Variants in OLFM3 observed in about 807,000 individuals in gnomAD.
The protein encoded by OLFM3 is noelin-3.
A neutral mutation model predicts 48.6 loss-of-function variants in OLFM3; 20 were observed. The ratio of observed to expected loss-of-function variants is 0.41; its 90% CI spans 0.29 to 0.60. The LOEUF is 0.60. Ranked by LOEUF, OLFM3 falls within the 20% of genes least tolerant of loss-of-function variation. The pLI is 0.28. For synonymous variants in OLFM3, 222 were observed against 198.1 expected (o/e 1.12, Z -1.01); for missense variants, 437 against 544.3 (o/e 0.80, Z 1.96).
intron 1 of OLFM3, among the ~76,000 whole-genome samples, chr1:101,879,079 T>G (rs1657413553): frequency 6.6e-6 from 1 of 151,890 alleles, no homozygotes; most frequent in South Asian, 2.1e-4. Flanking sequence ...AGCTTTGAGA[T>G]TCTAACAAAG....
chr1:101,929,542 A>G (rs7513512), intron 1 of OLFM3, among the ~76,000 whole-genome samples: 64,022 of 151,848 alleles, frequency 0.42, 13,890 homozygotes, highest in Middle Eastern at 0.51. Context: ...TTGCCACCCA[A>G]TTAGCTCCTG....
At chr1:101,970,547 A>G (rs929476893) in intron 1 of OLFM3, among the ~76,000 whole-genome samples, 14 of 152,110 alleles carry the variant, frequency 9.2e-5, no homozygotes, top group African/African-American at 2.7e-4. Context: ...CTCCTTTTAC[A>G]AATATTTACT....
chr1:101,813,993 A>T (rs1201124044), intron 4 of OLFM3, among the ~76,000 whole-genome samples: 1 of 152,216 alleles, frequency 6.6e-6, no homozygotes, highest in Admixed American at 6.5e-5. Flanking sequence ...TTAAAACCCA[A>T]GGTAGGTATA....
intron 1 of OLFM3, among the ~76,000 whole-genome samples, chr1:101,840,717 C>T (rs546815399): frequency 8.7e-4 from 133 of 152,238 alleles, no homozygotes; most frequent in Admixed American, 2.0e-3. Flanking sequence ...GCAATCTGCC[C>T]GCCTCGGCCT....
At chr1:101,810,014 G>A (rs1278691681) in intron 4 of OLFM3, among the ~76,000 whole-genome samples, 1 of 151,914 alleles carries the variant, frequency 6.6e-6, no homozygotes, top group African/African-American at 2.4e-5. Flanking sequence ...TTCCAACCAT[G>A]ACAACATGGA....
At position 101,945,639 on chromosome 1, in the gene OLFM3, AT is replaced by A. The variant is rs1176244241; in HGVS notation, c.69+51108del. 3.3e-5 allele frequency among the ~76,000 whole-genome samples: 5 copies of A among 151,786 alleles called. No individual in the cohort carries two copies. In the South Asian group the frequency reaches 8.3e-4, roughly 25 times the overall value. On this transcript the variant is annotated intron_variant, in intron 1 of 5. Coordinates refer to ENST00000370103, the MANE Select transcript of OLFM3 (RefSeq NM_058170.4). ...AACATAAAACTGTACACTTATCTTA[AT>A]TTTTTTTGAAATAAAAATAAAAATC...
At chr1:101,891,889 A>T (rs943714851) in intron 1 of OLFM3, among the ~76,000 whole-genome samples, 2 of 151,982 alleles carry the variant, frequency 1.3e-5, no homozygotes, top group Admixed American at 6.6e-5. Flanking sequence ...TGCCATTTTT[A>T]AAAAATATAA....
At chr1:101,964,806 T>G (rs865859042) in intron 1 of OLFM3, among the ~76,000 whole-genome samples, 1 of 152,204 alleles carries the variant, frequency 6.6e-6, no homozygotes, top group Non-Finnish European at 1.5e-5. Flanking sequence ...GAGAAATCCA[T>G]TTTTATTTTA....
chr1:101,827,174 T>C (rs1654901685), intron 3 of OLFM3, among the ~76,000 whole-genome samples: 2 of 152,230 alleles, frequency 1.3e-5, no homozygotes, highest in South Asian at 4.1e-4. Flanking sequence ...AGTTCTTAGC[T>C]AGAGTAGAGC....
intron 1 of OLFM3, among the ~76,000 whole-genome samples, chr1:101,844,425 G>A (rs1284605797): frequency 6.6e-6 from 1 of 152,138 alleles, no homozygotes; most frequent in Non-Finnish European, 1.5e-5. Flanking sequence ...GGGACCAAGA[G>A]GGCCAATGAC....
At chr1:101,990,724 G>A (rs985009791) in intron 1 of OLFM3, among the ~76,000 whole-genome samples, 11 of 151,856 alleles carry the variant, frequency 7.2e-5, no homozygotes, top group East Asian at 3.9e-4. Context: ...GGTGGCTCAC[G>A]CCTGTAATCC....
At chr1:101,990,375 T>C (rs923589670) in intron 1 of OLFM3, among the ~76,000 whole-genome samples, 37 of 152,192 alleles carry the variant, frequency 2.4e-4, no homozygotes, top group African/African-American at 8.9e-4. Context: ...TAATATATGG[T>C]CCGCAATAGA....
intron 1 of OLFM3, among the ~76,000 whole-genome samples, chr1:101,926,631 T>C (rs1381076456): frequency 2.0e-5 from 3 of 152,214 alleles, no homozygotes; most frequent in East Asian, 3.8e-4. Context: ...GTACAATAAC[T>C]GGCATAGTGG....
intron 1 of OLFM3, among the ~76,000 whole-genome samples, chr1:101,921,088 G>A (rs1468823916): frequency 6.6e-6 from 1 of 151,792 alleles, no homozygotes; most frequent in Non-Finnish European, 1.5e-5. Flanking sequence ...GATGCTCAAT[G>A]GTGAGTGGAA....
chr1:101,851,789 T>C (rs759465967), intron 1 of OLFM3, among the ~76,000 whole-genome samples: 1 of 152,132 alleles, frequency 6.6e-6, no homozygotes, highest in Non-Finnish European at 1.5e-5. Context: ...CATGGATAAA[T>C]TGATTGTGTT....
At chr1:101,876,464 T>A (rs1263171140) in intron 1 of OLFM3, among the ~76,000 whole-genome samples, 1 of 151,976 alleles carries the variant, frequency 6.6e-6, no homozygotes, top group Non-Finnish European at 1.5e-5. Context: ...CATTTCTATA[T>A]CTCTGGGATG....
At chr1:101,947,500 G>A (rs1241035724) in intron 1 of OLFM3, among the ~76,000 whole-genome samples, 1 of 152,172 alleles carries the variant, frequency 6.6e-6, no homozygotes, top group Non-Finnish European at 1.5e-5. Flanking sequence ...CAAGTGTGTT[G>A]GCTCACACCT....
At chr1:101,806,433 C>T (rs555656629) in intron 4 of OLFM3, among the ~76,000 whole-genome samples, 1 of 151,794 alleles carries the variant, frequency 6.6e-6, no homozygotes, top group Non-Finnish European at 1.5e-5. Flanking sequence ...TTTGTACAAT[C>T]CGGAAAGAAA....
chr1:101,833,692 A>AT (rs1655272158), intron 2 of OLFM3, among the ~76,000 whole-genome samples: 2 of 152,272 alleles, frequency 1.3e-5, no homozygotes, highest in South Asian at 4.1e-4. Context: ...TTAAACACAA[A>AT]TTAACTTTGA....
Sources: allele counts gnomAD v4.1 joint callset (sites outside exome capture counted in the v4.1 genomes callset), GRCh38; gene constraint gnomAD v4.1.1; transcripts MANE v1.5; gene names NCBI Gene and HGNC (gene_info 2026-07-23, HGNC 2026-07-21).